Variants in PHF20 observed in about 807,000 individuals in gnomAD.
PHF20 encodes the protein glioma-expressed antigen 2.
In PHF20, 23 loss-of-function variants were observed where a neutral mutation model predicts 113.5. The observed-to-expected ratio is 0.20, with a 90% CI of 0.15 to 0.29. PHF20 has a LOEUF of 0.29. PHF20 is among the 10% of genes least tolerant of loss of function. The pLI is 1.00. For missense variants in PHF20, 943 were observed against 1,219.6 expected (o/e 0.77, Z 3.38); for synonymous variants, 434 against 457.3 (o/e 0.95, Z 0.65).
chr20:35,852,755 C>T (rs747407630), intron 4 of PHF20, among the ~76,000 whole-genome samples: 3 of 151,896 alleles, frequency 2.0e-5, no homozygotes, highest in East Asian at 2.0e-4. Context: ...TGTGCCACCA[C>T]GCCTGGCTAA....
At chr20:35,909,138 T>C (rs1293190545) in intron 10 of PHF20, among the ~76,000 whole-genome samples, 1 of 152,076 alleles carries the variant, frequency 6.6e-6, no homozygotes, top group Non-Finnish European at 1.5e-5. Flanking sequence ...TTCTTACCAT[T>C]AAGTATGAAG....
Position 35,789,999 on chromosome 20 carries a change from C to T in PHF20, c.-32-11492C>T, listed in dbSNP as rs560286336. On this transcript the variant is annotated intron_variant, in intron 1 of 17. Transcript: ENST00000374012. ...CCTCCTGAGTAGCTGGGATTACAGG[C>T]GTCTGCCACCATCCCCAGCTGATTT... Among the ~76,000 whole-genome samples the T allele has an allele frequency of 1.8e-4, 27 of 151,998 alleles. No individual in the cohort carries two copies. In the South Asian group the frequency reaches 5.4e-3, roughly 30 times the overall value.
At position 35,939,039 on chromosome 20, in the gene PHF20, G is replaced by A. The variant is rs756688174; in HGVS notation, c.2643G>A (p.Pro881=). 2.8e-5 allele frequency: 45 copies of A among 1,614,032 alleles called. No individual in the cohort carries two copies. In the Admixed American group the frequency reaches 4.0e-4, roughly 14 times the overall value. The part of the protein sequence containing the change: ...LHENGDDSLS[P]RLGWPLDQDR... ...AGAACGGCGATGATTCCCTTTCCCC[G>A]CGCCTGGGCTGGCCTCTAGACCAAG... is the stretch of plus-strand genomic sequence containing the variant. Residue 881 remains proline, a synonymous_variant, in exon 16 of 18, where the codon CCG becomes CCA. Coordinates refer to ENST00000374012, the MANE Select transcript of PHF20 (RefSeq NM_016436.5).
intron 3 of PHF20, among the ~76,000 whole-genome samples, 182 bp from the exon 4 acceptor site, chr20:35,847,168 A>T (rs1345468938): frequency 6.6e-6 from 1 of 152,112 alleles, no homozygotes; most frequent in Admixed American, 6.6e-5. Flanking sequence ...AGGACAAATG[A>T]CACCGAAATT....
At chr20:35,871,560 AG>A in intron 8 of PHF20, 89 bp from the exon 9 acceptor site, 1 of 1,073,754 alleles carries the variant, frequency 9.3e-7, no homozygotes, top group African/African-American at 1.6e-5. Flanking sequence ...TCCTCTAAAA[AG>A]TCCCTGGCTT....
chr20:35,802,486 T>A (rs943105005), intron 2 of PHF20, among the ~76,000 whole-genome samples: 1 of 152,068 alleles, frequency 6.6e-6, no homozygotes, highest in Non-Finnish European at 1.5e-5. Flanking sequence ...TGTGCCACCA[T>A]GCCTGGCTAA....
chr20:35,857,489 A>G (rs2042852611), intron 4 of PHF20, among the ~76,000 whole-genome samples: 1 of 151,722 alleles, frequency 6.6e-6, no homozygotes, highest in African/African-American at 2.4e-5. Context: ...CATGAACATA[A>G]TTCAAATGGA....
chr20:35,813,245 C>T (rs1329417657), intron 2 of PHF20, among the ~76,000 whole-genome samples: 2 of 151,934 alleles, frequency 1.3e-5, no homozygotes, highest in African/African-American at 2.4e-5. Flanking sequence ...GCTGGGATTA[C>T]AGGCGCGGTG....
At chr20:35,905,734 G>A (rs1274664799) in intron 10 of PHF20, among the ~76,000 whole-genome samples, 3 of 152,206 alleles carry the variant, frequency 2.0e-5, no homozygotes, top group African/African-American at 7.2e-5. Context: ...ACCAGAAGCC[G>A]GGAAGAGGAA....
At chr20:35,933,817 G>A (rs1442949901) in intron 15 of PHF20, among the ~76,000 whole-genome samples, 2 of 152,226 alleles carry the variant, frequency 1.3e-5, no homozygotes, top group African/African-American at 4.8e-5. Context: ...ACAGGCGTGG[G>A]CCACTGTGCC....
intron 10 of PHF20, among the ~76,000 whole-genome samples, chr20:35,901,786 G>A (rs1424934902): frequency 6.6e-6 from 1 of 152,154 alleles, no homozygotes; most frequent in Non-Finnish European, 1.5e-5. Flanking sequence ...AATATGTAAG[G>A]ACAGAATGAT....
At chr20:35,879,318 A>G (rs1369500266) in intron 9 of PHF20, among the ~76,000 whole-genome samples, 1 of 152,196 alleles carries the variant, frequency 6.6e-6, no homozygotes, top group Non-Finnish European at 1.5e-5. Context: ...AAGAATCACA[A>G]TTGTAAACAT....
At position 35,831,798 on chromosome 20, in the gene PHF20, A is replaced by G. The variant is rs74952354; in HGVS notation, c.84-10775A>G. Reference sequence around the variant, plus strand: ...TATATGGTGGTCATCTGGTATCTCAACGTTCTTCATGTCATTGCCCACTTG... The same window carrying G: ...TATATGGTGGTCATCTGGTATCTCAGCGTTCTTCATGTCATTGCCCACTTG... On this transcript the variant is annotated intron_variant, in intron 2 of 17. Coordinates refer to ENST00000374012, the MANE Select transcript of PHF20 (RefSeq NM_016436.5). Among the ~76,000 whole-genome samples the G allele has an allele frequency of 1.6e-4, 25 of 152,272 alleles. No homozygotes were observed. In the East Asian group the frequency reaches 4.0e-3, roughly 25 times the overall value.
chr20:35,798,286 A>G (rs2041707135), intron 1 of PHF20, among the ~76,000 whole-genome samples: 1 of 151,944 alleles, frequency 6.6e-6, no homozygotes, highest in African/African-American at 2.4e-5. Context: ...GGTGGCTTGC[A>G]CCTGTAGTCC....
chr20:35,884,072 T>C (rs1389703484), intron 9 of PHF20, among the ~76,000 whole-genome samples: 3 of 152,072 alleles, frequency 2.0e-5, no homozygotes, highest in Non-Finnish European at 4.4e-5. Context: ...TTTGGAAACA[T>C]AGGTTTAGTG....
chr20:35,799,187 C>T (rs941706442), intron 1 of PHF20, among the ~76,000 whole-genome samples: 2 of 147,284 alleles, frequency 1.4e-5, no homozygotes, highest in Admixed American at 7.1e-5. Context: ...TGCAGTGGCT[C>T]GTGCTTGTAA....
intron 3 of PHF20, among the ~76,000 whole-genome samples, chr20:35,843,668 A>C (rs139690706): frequency 8.2e-4 from 125 of 151,986 alleles, no homozygotes; most frequent in African/African-American, 2.8e-3. Flanking sequence ...CTGCAGCCTC[A>C]ATCTCCCAGG....
chr20:35,814,497 G>A (rs1010380969), intron 2 of PHF20, among the ~76,000 whole-genome samples: 10 of 151,490 alleles, frequency 6.6e-5, no homozygotes, highest in East Asian at 3.9e-4. Context: ...GATTACAGGC[G>A]TGAACCGCTG....
At chr20:35,870,016 C>T (rs1426902415) in intron 7 of PHF20, among the ~76,000 whole-genome samples, 5 of 151,004 alleles carry the variant, frequency 3.3e-5, no homozygotes, top group African/African-American at 9.7e-5. Context: ...AAAAATTAGC[C>T]GGGTGTGGCC....
Sources: gnomAD v4.1 joint callset for allele counts (sites outside exome capture counted in the v4.1 genomes callset) on GRCh38, gnomAD v4.1.1 for gene constraint, MANE v1.5 for transcripts, NCBI Gene and HGNC (gene_info 2026-07-23, HGNC 2026-07-21) for gene names.